Variants in MBP observed in about 807,000 individuals in gnomAD.
The protein encoded by MBP is myelin basic protein, also known as Golli-MBP.
In MBP, 16 loss-of-function variants were observed where a neutral mutation model predicts 35.8. That is an observed-to-expected ratio of 0.45 (90% CI 0.30 to 0.68). The LOEUF (loss-of-function observed/expected upper bound fraction) is 0.68. Among genes scored for constraint, MBP ranks in the 30% least tolerant of loss-of-function variants. MBP has a pLI of 0.08. For synonymous variants in MBP, 143 were observed against 159.6 expected, an observed-to-expected ratio of 0.90 and a Z score of 0.78; for missense variants, 380 against 404.7, an observed-to-expected ratio of 0.94 and a Z score of 0.52.
intron 4 of MBP, among the ~76,000 whole-genome samples, chr18:76,991,733 C>A (rs1408774074): frequency 1.3e-5 from 2 of 152,208 alleles, no homozygotes; most frequent in African/African-American, 4.8e-5. Context: ...TGGCCCCAGG[C>A]ATGCTGGCTG....
intron 4 of MBP, among the ~76,000 whole-genome samples, chr18:77,009,486 C>T (rs1456686848): frequency 1.3e-5 from 2 of 152,220 alleles, no homozygotes; most frequent in South Asian, 2.1e-4. Flanking sequence ...ATAGACCAGG[C>T]CAGCCCTCAA....
At chr18:77,024,665 G>C (rs1414961959) in intron 3 of MBP, among the ~76,000 whole-genome samples, 1 of 152,216 alleles carries the variant, frequency 6.6e-6, no homozygotes, top group African/African-American at 2.4e-5. Context: ...ATCGGCCGTC[G>C]TGGCAGCGCC....
chr18:77,046,688 T>C (rs2144664649), intron 3 of MBP, among the ~76,000 whole-genome samples: 1 of 152,372 alleles, frequency 6.6e-6, no homozygotes, highest in Non-Finnish European at 1.5e-5. Context: ...CCCGGAGCTA[T>C]AAATGAGCAT....
chr18:77,054,415 G>T (rs1294124959), intron 3 of MBP, among the ~76,000 whole-genome samples: 1 of 152,232 alleles, frequency 6.6e-6, no homozygotes, highest in Admixed American at 6.5e-5. Flanking sequence ...CTGCGGGAGG[G>T]AGGGGCCGCA....
intron 4 of MBP, chr18:77,005,221 C>A (rs937261160): frequency 6.6e-6 from 1 of 152,242 alleles, no homozygotes; most frequent in Non-Finnish European, 1.5e-5. Flanking sequence ...CGGAGGTGGA[C>A]AAACGGCACC....
intron 3 of MBP, among the ~76,000 whole-genome samples, chr18:77,054,426 G>A (rs532569176): frequency 6.6e-6 from 1 of 152,356 alleles, no homozygotes; most frequent in South Asian, 2.1e-4. Flanking sequence ...AGGGGCCGCA[G>A]GAGATGTGGT....
intron 3 of MBP, among the ~76,000 whole-genome samples, chr18:77,027,368 C>T (rs976167645): frequency 5.3e-5 from 8 of 152,222 alleles, no homozygotes; most frequent in Non-Finnish European, 7.3e-5. Context: ...CCTGTATCTG[C>T]CTGCACACGC....
intron 4 of MBP, chr18:77,014,694 T>C: frequency 1.0e-6 from 1 of 985,418 alleles, no homozygotes; most frequent in East Asian, 1.1e-4. Context: ...ATCTCCCATG[T>C]TTACAACACT....
intron 2 of MBP, among the ~76,000 whole-genome samples, chr18:77,088,183 A>G (rs907014876): frequency 1.3e-5 from 2 of 152,120 alleles, no homozygotes; most frequent in Admixed American, 1.3e-4. Flanking sequence ...TGGGTGCTAT[A>G]AACCACAGAA....
At chr18:77,061,897 T>C (rs12458282) in intron 3 of MBP, among the ~76,000 whole-genome samples, 37,658 of 152,220 alleles carry the variant, frequency 0.25, 5,112 homozygotes, top group Non-Finnish European at 0.3. Context: ...AATGAAGTTG[T>C]GAATGTTTTC....
chr18:76,987,014 A>G, intron 7 of MBP: 1 of 985,444 alleles, frequency 1.0e-6, no homozygotes, highest in South Asian at 4.7e-5. Context: ...CAAAATGCAG[A>G]GAAGGATTTT....
intron 2 of MBP, among the ~76,000 whole-genome samples, chr18:77,092,093 G>C (rs1173284923): frequency 1.3e-5 from 2 of 152,204 alleles, no homozygotes. Flanking sequence ...GTAAAAGCAA[G>C]CACAGATTTT....
At chr18:77,035,004 ACTC>A (rs1972699597) in intron 3 of MBP, among the ~76,000 whole-genome samples, 1 of 151,636 alleles carries the variant, frequency 6.6e-6, no homozygotes, top group South Asian at 2.1e-4. Flanking sequence ...GTATTTCAAG[ACTC>A]CTCAGGGGCT....
At chr18:76,998,561 C>A (rs1192377007) in intron 4 of MBP, among the ~76,000 whole-genome samples, 1 of 152,182 alleles carries the variant, frequency 6.6e-6, no homozygotes, top group African/African-American at 2.4e-5. Context: ...GATGCCCGAA[C>A]GCCCCACCCT....
At chr18:77,026,825 C>T (rs1016902073) in intron 3 of MBP, among the ~76,000 whole-genome samples, 1 of 152,166 alleles carries the variant, frequency 6.6e-6, no homozygotes, top group Non-Finnish European at 1.5e-5. Flanking sequence ...ATTATCAAGC[C>T]ACTGCACTCC....
chr18:77,082,044 G>A (rs1974965723), intron 2 of MBP, among the ~76,000 whole-genome samples: 2 of 151,134 alleles, frequency 1.3e-5, no homozygotes, highest in Admixed American at 6.6e-5. Flanking sequence ...AGTAGAGACG[G>A]GGTTTCACTG....
intron 2 of MBP, among the ~76,000 whole-genome samples, chr18:77,070,554 GAT>G (rs1419432265): frequency 1.3e-5 from 2 of 152,192 alleles, no homozygotes; most frequent in Non-Finnish European, 2.9e-5. Flanking sequence ...CAAAAGAAAT[GAT>G]AGTCTCCTGA....
intron 1 of MBP, among the ~76,000 whole-genome samples, chr18:77,122,523 A>G (rs1976919498): frequency 6.6e-6 from 1 of 152,072 alleles, no homozygotes; most frequent in South Asian, 2.1e-4. Context: ...AAAACGTTAC[A>G]CTGTATTTTG....
chr18:77,119,185 T>G (rs1976810104), intron 1 of MBP, among the ~76,000 whole-genome samples: 1 of 152,130 alleles, frequency 6.6e-6, no homozygotes, highest in Non-Finnish European at 1.5e-5. Context: ...AGGCAGGGGC[T>G]TGGGGACCTG....
Sources: gnomAD v4.1 joint callset for allele counts (sites outside exome capture counted in the v4.1 genomes callset) on GRCh38, gnomAD v4.1.1 for gene constraint, MANE v1.5 for transcripts, NCBI Gene and HGNC (gene_info 2026-07-23, HGNC 2026-07-21) for gene names.